RASAL1: variants seen among roughly 807,000 people sequenced by gnomAD.
RASAL1 encodes the protein RAS protein activator like 1.
In RASAL1, 72 loss-of-function variants were observed where a neutral mutation model predicts 96.6. That is an observed-to-expected ratio of 0.75 (90% CI 0.62 to 0.91). The LOEUF is 0.91. RASAL1 is among the 40% of genes least tolerant of loss of function. The pLI, the probability that RASAL1 is intolerant of heterozygous loss-of-function variation, is 0.00. For synonymous variants in RASAL1, 405 were observed against 430.4 expected (o/e 0.94, Z 0.73); for missense variants, 1,016 against 1,072.5 (o/e 0.95, Z 0.74).
chr12:113,113,479 G>A (rs141248555), intron 12 of RASAL1, among the ~76,000 whole-genome samples: 1,627 of 152,200 alleles, frequency 0.011, 14 homozygotes, highest in Non-Finnish European at 0.016. Context: ...TTCCTCCATC[G>A]TTATCAAGTG....
Position 113,101,933 on chromosome 12 carries a change from G to A in RASAL1, c.2181C>T (p.Ala727=). Reference sequence around the variant, plus strand: ...GGAGCAGCTGCCGATACACTGTCTGGGCCTCAGCATCAGGATCCAGTGGGT... The same window carrying A: ...GGAGCAGCTGCCGATACACTGTCTGAGCCTCAGCATCAGGATCCAGTGGGT... The part of the protein sequence containing the change: ...WSDPLDPDAE[A]QTVYRQLLLG... Residue 727 remains alanine (A), a synonymous_variant, in exon 19 of 21, where the codon GCC becomes GCT. Transcript: ENST00000548055. 6.2e-7 allele frequency: 1 copy of A among 1,614,140 alleles called. No homozygotes were observed. Among genetic ancestry groups the A allele is most frequent in the Non-Finnish European group, 8.5e-7 (1 of 1,180,022 alleles).
rs1384368186 is a variant in RASAL1 at position 113,107,089 on chromosome 12, G to T, written c.1657+8C>A. 3.7e-6 allele frequency: 6 copies of T among 1,608,082 alleles called. No individual in the cohort carries two copies. Among genetic ancestry groups the T allele is most frequent in the Non-Finnish European group, 5.1e-6 (6 of 1,176,956 alleles). On this transcript the variant is annotated splice_region_variant and intron_variant, in intron 15 of 20. Coordinates refer to ENST00000548055, the MANE Select transcript of RASAL1 (RefSeq NM_001301202.2). ...GAAGCCAGATGTGGCCGGACCACAGGAACTCACCTTCATCCCCATCCACAT... is the reference window on the plus strand; with the variant it reads ...GAAGCCAGATGTGGCCGGACCACAGTAACTCACCTTCATCCCCATCCACAT...
intron 8 of RASAL1, 35 bp from the exon 9 acceptor site, chr12:113,116,086 CT>C (rs1404751496): frequency 6.6e-7 from 1 of 1,513,864 alleles, no homozygotes; most frequent in African/African-American, 1.4e-5. Flanking sequence ...AATGAAAGAT[CT>C]GGCCGAACAC....
Position 113,130,823 on chromosome 12 carries a change from A to AC in RASAL1, c.122+61_122+62insG. On this transcript the variant is annotated intron_variant, in intron 2 of 20. Transcript: ENST00000548055. This position sits in a 1 kb window ranked among gnomAD's most constrained non-coding sequence, Gnocchi z 5.1. ...TTTAAATGTGAATTCTTGGTCCCAG[A>AC]TTCCCCAGGTCTAGAAAGAGACCCC... 1 of 1,395,270 alleles carries AC rather than the reference A, an allele frequency of 7.2e-7. No individual in the cohort carries two copies. 86.4% of individuals were successfully genotyped at this position (1,395,270 alleles called of 1,614,324 possible).
chr12:113,126,877 A>G (rs1001190493), intron 4 of RASAL1, among the ~76,000 whole-genome samples: 5 of 151,350 alleles, frequency 3.3e-5, no homozygotes, highest in South Asian at 2.1e-4. Context: ...CCTGCCTCTC[A>G]GGGTTATGAT....
chr12:113,127,840 G>A lies in RASAL1; in HGVS notation c.270C>T (p.Ser90=). 3 of 1,613,290 alleles carry A rather than the reference G, an allele frequency of 1.9e-6. No individual in the cohort carries two copies. Among genetic ancestry groups the A allele is most frequent in the Non-Finnish European group, 2.5e-6 (3 of 1,179,338 alleles). ...HDDIIGKISL[S]REAITADPRG... ...GGGGGTCGGCTGTAATCGCCTCCCT[G>A]CTCAGCGAGATCTTGCCGATGATGT... The change falls in exon 4 of 21, where the codon AGC becomes AGT. Residue 90 remains serine (S), a synonymous_variant. Transcript: ENST00000548055.
Position 113,099,667 on chromosome 12 carries a change from A to G in RASAL1, c.*262T>C, listed in dbSNP as rs778765549. On this transcript the variant is annotated 3_prime_UTR_variant, in exon 21 of 21. Transcript: ENST00000548055. Reference sequence around the variant, plus strand: ...AAGTAGAGACCCCAGTCTCAGTCAAATAAGTCAGGTTCCTTATCCTATCCA... The same window carrying G: ...AAGTAGAGACCCCAGTCTCAGTCAAGTAAGTCAGGTTCCTTATCCTATCCA... 2.5e-4 allele frequency: 91 copies of G among 362,926 alleles called. No homozygotes were observed. The highest frequency in any genetic ancestry group is 1.4e-3 in the Middle Eastern group (2 of 1,398). The allele number at this position is 362,926 out of a possible 1,614,324, so 22.5% of individuals were successfully genotyped here.
chr12:113,117,972 C>G (rs1951151209), intron 7 of RASAL1, among the ~76,000 whole-genome samples: 1 of 152,062 alleles, frequency 6.6e-6, no homozygotes, highest in African/African-American at 2.4e-5. Context: ...GCCTGTAATC[C>G]CAGCACTTTG....
intron 18 of RASAL1, among the ~76,000 whole-genome samples, chr12:113,102,699 G>A (rs975397149): frequency 2.6e-5 from 4 of 152,094 alleles, no homozygotes; most frequent in Non-Finnish European, 2.9e-5. Flanking sequence ...TCCAGCCTGG[G>A]CAACAGAGAC....
chr12:113,104,049 G>C lies in RASAL1; in HGVS notation c.2001C>G (p.Ala667=). The part of the protein sequence containing the change: ...NVNELNQWLS[A]LRKASAPNPN... ...GGTTGGGGGCGCTGGCCTTGCGCAA[G>C]GCCGAGAGCCACTGGTTGAGCTCAT... Residue 667 remains alanine (A), a synonymous_variant, in exon 18 of 21, where the codon GCC becomes GCG. Transcript: ENST00000548055. 1 of 1,568,610 alleles carries C rather than the reference G, an allele frequency of 6.4e-7. No homozygotes were observed. The highest frequency in any genetic ancestry group is 8.7e-7 in the Non-Finnish European group (1 of 1,153,324).
At chr12:113,128,816 AGAAAACAGACACATAT>A (rs1951591752) in intron 2 of RASAL1, among the ~76,000 whole-genome samples, 1 of 152,174 alleles carries the variant, frequency 6.6e-6, no homozygotes, top group African/African-American at 2.4e-5. Flanking sequence ...ATAGACACAT[AGAAAACAGACACATAT>A]GAAAACATAT....
intron 13 of RASAL1, 136 bp downstream of exon 13, chr12:113,111,950 T>C (rs1201329948): frequency 1.3e-6 from 1 of 759,532 alleles, no homozygotes; most frequent in Non-Finnish European, 1.8e-6. Context: ...CCAGGAACGC[T>C]GTCCCCACTT....
In RASAL1 at chr12:113,119,210, C is replaced by G. The variant is rs368561887; in HGVS notation, c.560G>C (p.Arg187Pro). Reference sequence around the variant, plus strand: ...TGGGGACGGGGCACCTGGCATCTCCCGCAGCTCCAGCACTTCATCCCAGTG... The same window carrying G: ...TGGGGACGGGGCACCTGGCATCTCCGGCAGCTCCAGCACTTCATCCCAGTG... ...FPHWDEVLEL[R>P]EMPGAPSPLR... is the part of the protein sequence containing the mutation. The change falls in exon 7 of 21, where the codon CGG (arginine) becomes CCG (proline). Residue 187 changes from arginine (R) to proline (P), a missense_variant. Arg to Pro is a moderately radical substitution (Grantham distance 103, BLOSUM62 -2). Transcript: ENST00000548055. 1.2e-6 allele frequency: 2 copies of G among 1,614,068 alleles called. No homozygotes were observed. Among genetic ancestry groups the G allele is most frequent in the South Asian group, 2.2e-5 (2 of 91,082 alleles).
In RASAL1 at chr12:113,115,741, C is replaced by G. The variant is rs1951053407; in HGVS notation, c.897G>C (p.Gly299=). 1 of 1,614,066 alleles carries G rather than the reference C, an allele frequency of 6.2e-7. No individual in the cohort carries two copies. The highest frequency in any genetic ancestry group is 8.5e-7 in the Non-Finnish European group (1 of 1,180,034). Residue 299 remains glycine (G), a synonymous_variant, in exon 10 of 21, where the codon GGG becomes GGC. Coordinates refer to ENST00000548055, the MANE Select transcript of RASAL1 (RefSeq NM_001301202.2). This position sits in a 1 kb window ranked among gnomAD's most constrained non-coding sequence, Gnocchi z 4.1. The stretch of plus-strand genomic sequence containing the variant: ...TGGTGGCAAGGTCCTGGCGGCAGTC[C>G]CCCAAGGTCAGCTCTTCCAGCAAAG... ...PLALLEELTL[G]DCRQDLATKL...
At chr12:113,123,185 G>C (rs1951357897) in intron 4 of RASAL1, among the ~76,000 whole-genome samples, 1 of 152,112 alleles carries the variant, frequency 6.6e-6, no homozygotes, top group South Asian at 2.1e-4. Context: ...CTTTAAATCT[G>C]ATTCTTTTTA....
intron 4 of RASAL1, among the ~76,000 whole-genome samples, chr12:113,126,244 C>T (rs891573182): frequency 2.0e-5 from 3 of 151,946 alleles, no homozygotes; most frequent in African/African-American, 7.3e-5. Context: ...GAGATTGTGC[C>T]ATTGCACTCC....
intron 15 of RASAL1, among the ~76,000 whole-genome samples, 157 bp downstream of exon 15, chr12:113,106,940 T>C (rs1234873625): frequency 6.6e-6 from 1 of 152,196 alleles, no homozygotes; most frequent in African/African-American, 2.4e-5. Context: ...TCTGTTCATC[T>C]CTGGGGCCTA....
chr12:113,135,564 C>T lies in RASAL1; in HGVS notation c.-102G>A. 1.9e-6 allele frequency: 2 copies of T among 1,042,248 alleles called. No individual in the cohort carries two copies. The highest frequency in any genetic ancestry group is 1.4e-6 in the Non-Finnish European group (1 of 702,312). The allele number at this position is 1,042,248 out of a possible 1,614,324, so 64.6% of individuals were successfully genotyped here. ...CTGCTTCAAGCCTGGCTCCCTGCCTCGTGGTCCCAGTGCCGCCTGTCCGAG... is the reference window on the plus strand; with the variant it reads ...CTGCTTCAAGCCTGGCTCCCTGCCTTGTGGTCCCAGTGCCGCCTGTCCGAG... On this transcript the variant is annotated 5_prime_UTR_variant, in exon 1 of 21. Transcript: ENST00000548055. The surrounding 1 kb of genome is among the most constrained non-coding windows in gnomAD (Gnocchi z 5.7).
chr12:113,129,988 G>A lies in RASAL1; in HGVS notation c.122+897C>T, dbSNP rs1951640320. On this transcript the variant is annotated intron_variant, in intron 2 of 20. Transcript: ENST00000548055. This position sits in a 1 kb window ranked among gnomAD's most constrained non-coding sequence, Gnocchi z 5.0. ...TATCAAGGGGCCAGCATGAGCACTG[G>A]GAGGACAGTGGAGGGGAGTCAGTGG... Among the ~76,000 whole-genome samples, 1 of 152,174 alleles carries A rather than the reference G, an allele frequency of 6.6e-6. No homozygotes were observed. The highest frequency in any genetic ancestry group is 1.9e-4 in the East Asian group (1 of 5,188).
Sources: allele counts gnomAD v4.1 joint callset (sites outside exome capture counted in the v4.1 genomes callset), GRCh38; gene constraint gnomAD v4.1.1; non-coding constraint Gnocchi (gnomAD v3.1); transcripts MANE v1.5; gene names NCBI Gene and HGNC (gene_info 2026-07-23, HGNC 2026-07-21).